ZNF385D: variants seen among roughly 807,000 people sequenced by gnomAD.
ZNF385D encodes zinc finger protein 659.
ZNF385D carries 15 observed loss-of-function variants against 35.8 expected under a neutral mutation model. That is an observed-to-expected ratio of 0.42 (90% CI 0.28 to 0.64). ZNF385D has a LOEUF of 0.64. ZNF385D is among the 30% of genes least tolerant of loss of function. The pLI is 0.23. For synonymous variants in ZNF385D, 212 were observed against 186.8 expected, an observed-to-expected ratio of 1.13 and a Z score of -1.10; for missense variants, 474 against 494.6, an observed-to-expected ratio of 0.96 and a Z score of 0.39.
At chr3:21,753,002 T>C (rs1391320121), upstream of ZNF385D, among the ~76,000 whole-genome samples, 1 of 152,176 alleles carries the variant, frequency 6.6e-6, no homozygotes, top group East Asian at 1.9e-4. Flanking sequence ...TTTGAGTTCC[T>C]GTAGTTGGAA....
chr3:22,127,283 G>A (rs1009908057), intron 3 of ZNF385D, among the ~76,000 whole-genome samples: 2 of 126,492 alleles, frequency 1.6e-5, no homozygotes, highest in Non-Finnish European at 1.7e-5. Context: ...TTTTGTGAAA[G>A]TGATCTTCTC....
chr3:21,540,709 A>C (rs17008992), intron 3 of ZNF385D, among the ~76,000 whole-genome samples: 32,706 of 152,178 alleles, frequency 0.21, 4,419 homozygotes, highest in East Asian at 0.51. Context: ...GTAAACAAGA[A>C]ATTTAAAAGC....
intron 1 of ZNF385D, among the ~76,000 whole-genome samples, chr3:21,693,892 T>G (rs1405809556): frequency 1.4e-5 from 2 of 147,942 alleles, no homozygotes; most frequent in Non-Finnish European, 3.0e-5. Flanking sequence ...CTTTTTTTTT[T>G]TTTTTTGAGA....
chr3:21,455,832 T>C (rs182833551), intron 4 of ZNF385D, among the ~76,000 whole-genome samples: 4,159 of 151,838 alleles, frequency 0.027, 83 homozygotes, highest in Non-Finnish European at 0.04. Flanking sequence ...ATTTTCGCAA[T>C]CTACTCATCT....
intron 3 of ZNF385D, among the ~76,000 whole-genome samples, chr3:21,918,282 G>A (rs1346035510): frequency 6.6e-6 from 1 of 152,140 alleles, no homozygotes; most frequent in African/African-American, 2.4e-5. Context: ...TGTGTAAACA[G>A]AAAAGTGAGA....
At chr3:22,141,934 G>A (rs17010864) in intron 3 of ZNF385D, among the ~76,000 whole-genome samples, 2,705 of 152,290 alleles carry the variant, frequency 0.018, 63 homozygotes, top group African/African-American at 0.061. Flanking sequence ...AAGCATGTAC[G>A]TATTGGAAGA....
In ZNF385D at chr3:22,344,116, G is replaced by A. The variant is rs143412197; in HGVS notation, c.106+28334C>T. ...GTCCTGTGAAAATTAATGACAAACC[G>A]TTCCATTTGGCCTCTTGTGTTTTGA... On this transcript the variant is annotated intron_variant, in intron 2 of 5. Transcript: ENST00000494108. Among the ~76,000 whole-genome samples, 621 of 149,586 alleles carry A rather than the reference G, an allele frequency of 4.2e-3. 4 individuals are homozygous for A. The highest frequency in any genetic ancestry group is 0.014 in the African/African-American group (576 of 40,248).
chr3:22,327,712 G>T (rs1359776983), intron 2 of ZNF385D, among the ~76,000 whole-genome samples: 1 of 152,188 alleles, frequency 6.6e-6, no homozygotes, highest in Non-Finnish European at 1.5e-5. Flanking sequence ...CAGATATGAA[G>T]AGGGTGATGT....
intron 2 of ZNF385D, among the ~76,000 whole-genome samples, chr3:22,193,757 T>C (rs1696219355): frequency 6.6e-6 from 1 of 152,020 alleles, no homozygotes; most frequent in African/African-American, 2.4e-5. Context: ...TACATTGTGT[T>C]TCATATGTTT....
intron 2 of ZNF385D, among the ~76,000 whole-genome samples, chr3:22,287,716 G>C (rs1046679279): frequency 6.6e-6 from 1 of 151,914 alleles, no homozygotes; most frequent in East Asian, 1.9e-4. Context: ...CCCTCAACAA[G>C]ATATTATAGC....
At chr3:22,260,085 C>G (rs974265212) in intron 2 of ZNF385D, among the ~76,000 whole-genome samples, 4 of 151,870 alleles carry the variant, frequency 2.6e-5, no homozygotes, top group African/African-American at 9.7e-5. Context: ...ACAGTGTGCT[C>G]TACTCTAAGT....
chr3:21,478,782 C>A (rs6791420), intron 4 of ZNF385D, among the ~76,000 whole-genome samples: 80,532 of 151,532 alleles, frequency 0.53, 21,802 homozygotes, highest in East Asian at 0.88. Context: ...GACTATCTTC[C>A]ATAAAAAACA....
chr3:22,045,398 G>A (rs543720149), intron 3 of ZNF385D, among the ~76,000 whole-genome samples: 120 of 152,262 alleles, frequency 7.9e-4, no homozygotes, highest in African/African-American at 2.7e-3. Flanking sequence ...ATACGAATGG[G>A]AGATGATATC....
At chr3:21,589,691 G>C (rs2063913104) in intron 2 of ZNF385D, among the ~76,000 whole-genome samples, 1 of 151,370 alleles carries the variant, frequency 6.6e-6, no homozygotes, top group South Asian at 2.1e-4. Flanking sequence ...TATTCTAAGA[G>C]AAAATGGATA....
intron 3 of ZNF385D, among the ~76,000 whole-genome samples, chr3:21,991,931 A>G (rs1387805318): frequency 6.6e-6 from 1 of 152,142 alleles, no homozygotes; most frequent in Non-Finnish European, 1.5e-5. Context: ...TTGATGAATT[A>G]TGCACTCCAT....
chr3:22,028,318 C>T (rs1350955623), intron 3 of ZNF385D, among the ~76,000 whole-genome samples: 1 of 152,134 alleles, frequency 6.6e-6, no homozygotes, highest in Non-Finnish European at 1.5e-5. Flanking sequence ...CACCAGCCAC[C>T]TCTGTCATCG....
intron 3 of ZNF385D, among the ~76,000 whole-genome samples, chr3:21,529,993 G>A (rs1338357267): frequency 6.6e-6 from 1 of 152,114 alleles, no homozygotes; most frequent in East Asian, 1.9e-4. Context: ...TGGGGGGGGT[G>A]AACCCTCATG....
At chr3:22,017,779 T>C (rs1217194174) in intron 3 of ZNF385D, among the ~76,000 whole-genome samples, 1 of 151,984 alleles carries the variant, frequency 6.6e-6, no homozygotes, top group Non-Finnish European at 1.5e-5. Flanking sequence ...GCACACCTTG[T>C]TTCTAACAAT....
In ZNF385D at chr3:22,266,998, G is replaced by C. The variant is rs532476167; in HGVS notation, c.107-97963C>G. ...TTTGATACAATATTCCCAATATCCA[G>C]AGTGTACATGAATTATTTAAAGTGA... On this transcript the variant is annotated intron_variant, in intron 2 of 5. Transcript: ENST00000494108. 3.3e-5 allele frequency among the ~76,000 whole-genome samples: 5 copies of C among 152,020 alleles called. No homozygotes were observed. In the Middle Eastern group the frequency reaches 0.01, roughly 310 times the overall value.
Sources: allele counts gnomAD v4.1 joint callset (sites outside exome capture counted in the v4.1 genomes callset), GRCh38; gene constraint gnomAD v4.1.1; transcripts MANE v1.5; gene names NCBI Gene and HGNC (gene_info 2026-07-23, HGNC 2026-07-21).